The following NRG1 variants were observed in gnomAD, a reference collection of about 807,000 sequenced individuals.
NRG1 encodes pro-neuregulin-1, membrane-bound isoform.
A neutral mutation model predicts 63.8 loss-of-function variants in NRG1; 18 were observed. That is an observed-to-expected ratio of 0.28 (90% CI 0.19 to 0.42). The LOEUF (loss-of-function observed/expected upper bound fraction) is 0.42, where lower values mean the gene tolerates loss of function less well. Ranked by LOEUF, NRG1 falls within the 10% of genes least tolerant of loss-of-function variation. The pLI is 1.00. For synonymous variants in NRG1, 302 were observed against 301.3 expected, an observed-to-expected ratio of 1.00 and a Z score of -0.02; for missense variants, 762 against 814.7, an observed-to-expected ratio of 0.94 and a Z score of 0.79.
intron 1 of NRG1, among the ~76,000 whole-genome samples, chr8:31,857,711 G>C (rs1017946421): frequency 2.0e-4 from 30 of 152,186 alleles, no homozygotes; most frequent in African/African-American, 6.0e-4. Flanking sequence ...TTTTGCTAAT[G>C]ACTTACTACT....
intron 1 of NRG1, among the ~76,000 whole-genome samples, chr8:32,258,954 C>T (rs941077087): frequency 6.6e-6 from 1 of 152,168 alleles, no homozygotes; most frequent in Non-Finnish European, 1.5e-5. Context: ...GCAATATTAG[C>T]ATCCAATTGC....
intron 1 of NRG1, among the ~76,000 whole-genome samples, chr8:31,958,664 A>C (rs1186136071): frequency 6.6e-6 from 1 of 152,226 alleles, no homozygotes; most frequent in Non-Finnish European, 1.5e-5. Flanking sequence ...TTTGCAGAAG[A>C]GGGAAATGAG....
chr8:32,139,332 C>T (rs976499178), intron 1 of NRG1: 1 of 152,180 alleles, frequency 6.6e-6, no homozygotes, highest in East Asian at 1.9e-4. Flanking sequence ...TGCTTAAGGA[C>T]CTGGTAACTG....
At chr8:32,388,472 T>A (rs1811301519) in intron 1 of NRG1, among the ~76,000 whole-genome samples, 1 of 152,224 alleles carries the variant, frequency 6.6e-6, no homozygotes, top group East Asian at 1.9e-4. Context: ...CTTGCTGAAT[T>A]AATGAATGTA....
intron 1 of NRG1, among the ~76,000 whole-genome samples, chr8:32,583,717 C>A (rs16879576): frequency 0.093 from 14,080 of 152,216 alleles, 1,774 homozygotes; most frequent in East Asian, 0.58. Flanking sequence ...CCTGGGCTCA[C>A]CCAGAAGGCA....
At chr8:32,051,439 A>G (rs1440126370) in intron 1 of NRG1, among the ~76,000 whole-genome samples, 1 of 152,152 alleles carries the variant, frequency 6.6e-6, no homozygotes, top group Non-Finnish European at 1.5e-5. Context: ...GATGTCCACT[A>G]CTTTGACTAT....
At chr8:31,964,211 G>T (rs893500938) in intron 1 of NRG1, among the ~76,000 whole-genome samples, 2 of 152,150 alleles carry the variant, frequency 1.3e-5, no homozygotes, top group African/African-American at 4.8e-5. Flanking sequence ...AGTCCAATAG[G>T]GTAGGATGTG....
chr8:31,921,487 C>G (rs768477302), intron 1 of NRG1, among the ~76,000 whole-genome samples: 2,912 of 151,884 alleles, frequency 0.019, 48 homozygotes, highest in Non-Finnish European at 0.028. Flanking sequence ...TACACACACA[C>G]ACACACACAC....
intron 1 of NRG1, among the ~76,000 whole-genome samples, chr8:32,303,183 C>CAAAAAAAAAA (rs1563291349): frequency 8.4e-5 from 5 of 59,700 alleles, no homozygotes; most frequent in South Asian, 9.5e-4. Context: ...AACTCAGTCT[C>CAAAAAAAAAA]CAAAAAAAAA....
chr8:32,140,979 C>G (rs1267774612), intron 1 of NRG1, among the ~76,000 whole-genome samples: 1 of 152,056 alleles, frequency 6.6e-6, no homozygotes, highest in Non-Finnish European at 1.5e-5. Context: ...CTCTCTCTGT[C>G]TCTGTGTCTC....
Position 32,346,718 on chromosome 8 carries a change from A to G in NRG1, c.38-249110A>G, listed in dbSNP as rs181311403. On this transcript the variant is annotated intron_variant, in intron 1 of 10. Transcript: ENST00000519301. Reference sequence around the variant, plus strand: ...TTTTTTAAAAATATTTTTAATTGATATAGCATAGTTGGTACATATCTTTGG... The same window carrying G: ...TTTTTTAAAAATATTTTTAATTGATGTAGCATAGTTGGTACATATCTTTGG... 2.0e-5 allele frequency among the ~76,000 whole-genome samples: 3 copies of G among 152,272 alleles called. No homozygotes were observed. The East Asian group carries it at 5.8e-4, about 29-fold the overall frequency.
chr8:32,102,882 T>G (rs1468993333), intron 1 of NRG1, among the ~76,000 whole-genome samples: 1 of 151,688 alleles, frequency 6.6e-6, no homozygotes, highest in Non-Finnish European at 1.5e-5. Context: ...GCTTTCTAAG[T>G]TTTTTTTTAA....
chr8:31,807,370 T>C lies in NRG1; in HGVS notation c.37+167939T>C, dbSNP rs185016468. On this transcript the variant is annotated intron_variant, in intron 1 of 10. Transcript: ENST00000519301. ...GTCACATTTTATTGTATGTCTTCTC[T>C]ACCTCTCACTATATGACAAGTTTAG... is the stretch of plus-strand genomic sequence containing the variant. 1.9e-3 allele frequency among the ~76,000 whole-genome samples: 290 copies of C among 152,304 alleles called. 1 individual carries two copies. The highest frequency in any genetic ancestry group is 6.7e-3 in the African/African-American group (278 of 41,578).
intron 1 of NRG1, among the ~76,000 whole-genome samples, chr8:31,799,932 C>A (rs540502756): frequency 7.2e-5 from 11 of 152,226 alleles, no homozygotes; most frequent in Admixed American, 6.5e-4. Context: ...TTGTAAAGTT[C>A]TTGCCTGTAT....
chr8:32,193,612 AT>A lies in NRG1; in HGVS notation c.38-402213del, dbSNP rs35064055. On this transcript the variant is annotated intron_variant, in intron 1 of 10. Transcript: ENST00000519301. ...TCTGGCCTGGGAGTTGGGAAACTGG[AT>A]TTGGTAGAGGCTCGGTGTTATGGGT... Among the ~76,000 whole-genome samples, 6 of 152,222 alleles carry A rather than the reference AT, an allele frequency of 3.9e-5. No individual in the cohort carries two copies. In the East Asian group the frequency reaches 7.7e-4, roughly 20 times the overall value.
At chr8:32,173,793 A>G (rs1840362775) in intron 1 of NRG1, among the ~76,000 whole-genome samples, 1 of 152,202 alleles carries the variant, frequency 6.6e-6, no homozygotes, top group South Asian at 2.1e-4. Flanking sequence ...AGAGCTAACT[A>G]TCCTAAATAT....
At chr8:32,450,388 C>T (rs1820802183) in intron 1 of NRG1, among the ~76,000 whole-genome samples, 1 of 151,982 alleles carries the variant, frequency 6.6e-6, no homozygotes, top group Admixed American at 6.6e-5. Flanking sequence ...GCACTCCTGC[C>T]TGGGTGACAC....
chr8:32,329,794 G>A (rs1460087890), intron 1 of NRG1, among the ~76,000 whole-genome samples: 1 of 152,038 alleles, frequency 6.6e-6, no homozygotes, highest in Admixed American at 6.6e-5. Flanking sequence ...GCTTGATTTA[G>A]AACTACATTT....
At chr8:32,618,552 A>G (rs1847784852) in intron 5 of NRG1, among the ~76,000 whole-genome samples, 1 of 152,174 alleles carries the variant, frequency 6.6e-6, no homozygotes. Context: ...ATATTTGGCA[A>G]TGGTTTAAAA....
Sources: gnomAD v4.1 joint callset for allele counts (sites outside exome capture counted in the v4.1 genomes callset) on GRCh38, gnomAD v4.1.1 for gene constraint, MANE v1.5 for transcripts, NCBI Gene and HGNC (gene_info 2026-07-23, HGNC 2026-07-21) for gene names.